ZFHX4: variants seen among roughly 807,000 people sequenced by gnomAD.
ZFHX4 encodes the protein zinc finger homeobox protein 4.
ZFHX4 carries 56 observed loss-of-function variants against 267.6 expected under a neutral mutation model. The ratio of observed to expected loss-of-function variants is 0.21; its 90% CI spans 0.17 to 0.26. ZFHX4 has a LOEUF of 0.26. Among genes scored for constraint, ZFHX4 ranks in the 10% least tolerant of loss-of-function variants. The pLI, the probability that ZFHX4 is intolerant of heterozygous loss-of-function variation, is 1.00. For synonymous variants in ZFHX4, 1,778 were observed against 1,665.6 expected, an observed-to-expected ratio of 1.07 and a Z score of -1.64; for missense variants, 4,332 against 4,420.0, an observed-to-expected ratio of 0.98 and a Z score of 0.56.
At chr8:76,737,364 A>C (rs891758426) in intron 3 of ZFHX4, among the ~76,000 whole-genome samples, 1 of 152,170 alleles carries the variant, frequency 6.6e-6, no homozygotes, top group Non-Finnish European at 1.5e-5. Flanking sequence ...TGGCCATAAG[A>C]CATTTTATTC....
intron 4 of ZFHX4, among the ~76,000 whole-genome samples, chr8:76,793,992 G>A (rs941342365): frequency 7.2e-5 from 11 of 152,162 alleles, no homozygotes; most frequent in African/African-American, 2.7e-4. Context: ...TGACCTTGAT[G>A]CCCGCTGGCC....
rs1466860001 is a variant in ZFHX4 at position 76,852,915 on chromosome 8, T to A, written c.5994T>A (p.Ser1998=). Residue 1998 remains serine, a synonymous_variant, in exon 10 of 11, where the codon TCT becomes TCA. Coordinates refer to ENST00000651372, the MANE Select transcript of ZFHX4 (RefSeq NM_024721.5). ...AYDKLYPISP[S]SPETPPPPPP... ...ACAAGCTTTATCCAATTTCTCCATC[T>A]TCTCCAGAAACGCCGCCCCCGCCAC... 2 of 1,609,254 alleles carry A rather than the reference T, an allele frequency of 1.2e-6. No homozygotes were observed. The highest frequency in any genetic ancestry group is 1.7e-6 in the Non-Finnish European group (2 of 1,177,446).
chr8:76,777,966 C>T (rs1447453023), intron 3 of ZFHX4, among the ~76,000 whole-genome samples: 1 of 151,332 alleles, frequency 6.6e-6, no homozygotes, highest in African/African-American at 2.4e-5. Context: ...AAAACAGTTC[C>T]TCTTAGGAGT....
chr8:76,836,446 G>C (rs909766048), intron 5 of ZFHX4, among the ~76,000 whole-genome samples: 3 of 152,094 alleles, frequency 2.0e-5, no homozygotes, highest in Non-Finnish European at 4.4e-5. Context: ...CTTTAGGAGC[G>C]GTAGTCAGAG....
At chr8:76,798,090 G>A (rs1259693238) in intron 4 of ZFHX4, among the ~76,000 whole-genome samples, 2 of 152,098 alleles carry the variant, frequency 1.3e-5, no homozygotes, top group Admixed American at 6.6e-5. Flanking sequence ...AGGCATCATA[G>A]CATAGAAAGA....
At position 76,778,428 on chromosome 8, in the gene ZFHX4, C is replaced by T. The variant is rs1030144398; in HGVS notation, c.3314C>T (p.Pro1105Leu). The change falls in exon 4 of 11, where the codon CCA becomes CTA. Residue 1105 changes from proline to leucine, a missense_variant. Coordinates refer to ENST00000651372, the MANE Select transcript of ZFHX4 (RefSeq NM_024721.5). ...ATCTTTTTTGTTAAAGATTGCCCAC[C>T]AAATGAGCTTGGTGAGTAACCCTGA... Reference protein sequence around the residue: ...SEIFFVKDCPPNELETASLGA... With the variant: ...SEIFFVKDCPLNELETASLGA... The T allele has an allele frequency of 6.2e-7, 1 of 1,613,444 alleles. No homozygotes were observed. Among genetic ancestry groups the T allele is most frequent in the Non-Finnish European group, 8.5e-7 (1 of 1,179,736 alleles).
chr8:76,793,544 C>T (rs1256520268), intron 4 of ZFHX4, among the ~76,000 whole-genome samples: 1 of 152,102 alleles, frequency 6.6e-6, no homozygotes, highest in East Asian at 1.9e-4. Context: ...TTGCTTTTGC[C>T]CTTCCATAAT....
chr8:76,823,857 T>C (rs1231890563), intron 4 of ZFHX4, among the ~76,000 whole-genome samples: 1 of 152,228 alleles, frequency 6.6e-6, no homozygotes, highest in East Asian at 1.9e-4. Flanking sequence ...CTCCCATGTA[T>C]ACAATTGTAA....
chr8:76,819,550 G>A (rs62516841), intron 4 of ZFHX4, among the ~76,000 whole-genome samples: 5 of 152,022 alleles, frequency 3.3e-5, no homozygotes, highest in African/African-American at 4.8e-5. Flanking sequence ...GGTGGGTGCC[G>A]CTCTTCTGGG....
intron 5 of ZFHX4, among the ~76,000 whole-genome samples, chr8:76,836,612 G>A (rs1186005382): frequency 6.6e-6 from 1 of 152,070 alleles, no homozygotes; most frequent in Non-Finnish European, 1.5e-5. Context: ...GAGGGAGTGA[G>A]GAGGAGTGTA....
intron 4 of ZFHX4, among the ~76,000 whole-genome samples, chr8:76,802,517 G>C (rs1300757963): frequency 6.6e-6 from 1 of 152,126 alleles, no homozygotes; most frequent in Non-Finnish European, 1.5e-5. Flanking sequence ...TACAAACTCT[G>C]CCTTAGCTAA....
intron 6 of ZFHX4, among the ~76,000 whole-genome samples, chr8:76,843,354 A>G (rs1159525148): frequency 6.6e-6 from 1 of 152,224 alleles, no homozygotes; most frequent in African/African-American, 2.4e-5. Context: ...AGGAAATATC[A>G]TTGAAAAGGG....
chr8:76,783,376 T>G (rs1482699785), intron 4 of ZFHX4, among the ~76,000 whole-genome samples: 1 of 152,048 alleles, frequency 6.6e-6, no homozygotes, highest in Non-Finnish European at 1.5e-5. Context: ...CTCCTGAATA[T>G]TGGTCCTTCA....
chr8:76,789,881 ATCT>A (rs1305643966), intron 4 of ZFHX4, among the ~76,000 whole-genome samples: 1 of 152,134 alleles, frequency 6.6e-6, no homozygotes, highest in Non-Finnish European at 1.5e-5. Context: ...GCACGACAGA[ATCT>A]TCTGAGATTT....
At chr8:76,717,994 A>G (rs1388092164) in intron 3 of ZFHX4, among the ~76,000 whole-genome samples, 1 of 152,210 alleles carries the variant, frequency 6.6e-6, no homozygotes, top group Non-Finnish European at 1.5e-5. Context: ...ACACTAGCAT[A>G]TGTCCTTAGG....
chr8:76,711,901 C>G (rs377580334), intron 3 of ZFHX4, among the ~76,000 whole-genome samples: 6 of 152,178 alleles, frequency 3.9e-5, no homozygotes, highest in African/African-American at 1.4e-4. Context: ...GGTCTAACCA[C>G]CATTCAGTGC....
At chr8:76,787,338 C>T (rs147572230) in intron 4 of ZFHX4, among the ~76,000 whole-genome samples, 7 of 151,988 alleles carry the variant, frequency 4.6e-5, no homozygotes, top group African/African-American at 1.2e-4. Flanking sequence ...TCTTGAAATA[C>T]GGGCAGGTTT....
At chr8:76,714,069 T>G (rs1808502082) in intron 3 of ZFHX4, among the ~76,000 whole-genome samples, 1 of 152,190 alleles carries the variant, frequency 6.6e-6, no homozygotes, top group African/African-American at 2.4e-5. Context: ...TCATGTGAAG[T>G]GCAGGTATGA....
intron 3 of ZFHX4, among the ~76,000 whole-genome samples, chr8:76,715,385 G>T (rs2131628969): frequency 6.6e-6 from 1 of 150,894 alleles, no homozygotes; most frequent in African/African-American, 2.4e-5. Flanking sequence ...GGGAGGCTGA[G>T]GCAGGAGAAT....
Sources: allele counts gnomAD v4.1 joint callset (sites outside exome capture counted in the v4.1 genomes callset), GRCh38; gene constraint gnomAD v4.1.1; transcripts MANE v1.5; gene names NCBI Gene and HGNC (gene_info 2026-07-23, HGNC 2026-07-21).